Variants in BLTP1 observed in about 807,000 individuals in gnomAD.
BLTP1 encodes fragile site-associated protein.
chr4:122,230,025 A>T, the BLTP1 span: 13 of 1,614,146 alleles, frequency 8.1e-6, no homozygotes, highest in African/African-American at 1.3e-4. Flanking sequence ...GTGAGACAGT[A>T]CATTGAGCAA....
At chr4:122,186,773 C>G in the BLTP1 span, among the ~76,000 whole-genome samples, 1 of 152,052 alleles carries the variant, frequency 6.6e-6, no homozygotes, top group Non-Finnish European at 1.5e-5. Flanking sequence ...TAGCACAAGT[C>G]TAGCCCACTG....
chr4:122,257,343 C>A, the BLTP1 span: 1 of 1,614,002 alleles, frequency 6.2e-7, no homozygotes, highest in Non-Finnish European at 8.5e-7. Context: ...GTGACACCAG[C>A]CTTTAAAGGA....
chr4:122,261,295 C>T, the BLTP1 span: 1 of 985,206 alleles, frequency 1.0e-6, no homozygotes, highest in Non-Finnish European at 1.2e-6. Flanking sequence ...TTTCAACCTT[C>T]TGAATCATAT....
the BLTP1 span, among the ~76,000 whole-genome samples, chr4:122,245,541 G>A: frequency 2.0e-5 from 3 of 151,768 alleles, no homozygotes; most frequent in African/African-American, 2.4e-5. Flanking sequence ...GATTTTCCTC[G>A]TTCACTTCAG....
the BLTP1 span, chr4:122,199,479 T>C: frequency 6.6e-7 from 1 of 1,525,544 alleles, no homozygotes; most frequent in Non-Finnish European, 9.0e-7. Context: ...ATGATATACA[T>C]ACTTGTATGA....
the BLTP1 span, chr4:122,162,736 A>T: frequency 3.1e-6 from 1 of 318,114 alleles, no homozygotes; most frequent in Admixed American, 2.2e-4. Flanking sequence ...CAACAACAAC[A>T]AAAAAAAAAC....
At chr4:122,209,513 C>T in the BLTP1 span, 16 of 272,686 alleles carry the variant, frequency 5.9e-5, no homozygotes, top group Middle Eastern at 1.7e-3. Context: ...GGCATCATGG[C>T]GCATGCCTGT....
the BLTP1 span, chr4:122,362,398 C>A: frequency 1.6e-6 from 1 of 614,646 alleles, no homozygotes; most frequent in Non-Finnish European, 2.7e-6. Flanking sequence ...GTTCTAGTTC[C>A]ATCATTCTGT....
the BLTP1 span, chr4:122,194,731 A>G: frequency 2.5e-6 from 2 of 807,988 alleles, no homozygotes; most frequent in East Asian, 2.5e-4. Context: ...TTCATTATGT[A>G]TTTTTCATAA....
At chr4:122,160,095 G>A in the BLTP1 span, among the ~76,000 whole-genome samples, 7 of 152,222 alleles carry the variant, frequency 4.6e-5, no homozygotes, top group Admixed American at 2.0e-4. Flanking sequence ...AAAGATGCTG[G>A]CCCTGTCCAG....
the BLTP1 span, among the ~76,000 whole-genome samples, chr4:122,361,594 C>T: frequency 2.0e-5 from 3 of 152,120 alleles, no homozygotes; most frequent in Non-Finnish European, 1.5e-5. Flanking sequence ...ACAGCTGTTT[C>T]TCCACGTATA....
the BLTP1 span, chr4:122,361,880 C>T: frequency 2.5e-6 from 2 of 803,360 alleles, no homozygotes; most frequent in East Asian, 2.9e-5. Flanking sequence ...ATGGTGAATC[C>T]AGGAATTATG....
At chr4:122,197,868 T>C in the BLTP1 span, 1 of 622,738 alleles carries the variant, frequency 1.6e-6, no homozygotes, top group Non-Finnish European at 2.0e-6. Context: ...CATGAATAAA[T>C]ACTTTTTGTT....
the BLTP1 span, chr4:122,247,083 A>G: frequency 6.8e-7 from 1 of 1,475,368 alleles, no homozygotes; most frequent in Middle Eastern, 2.1e-4. Context: ...TTTAAAGGAA[A>G]CCTTTTAGGT....
the BLTP1 span, chr4:122,153,844 A>T: frequency 3.9e-6 from 1 of 258,504 alleles, no homozygotes; most frequent in Non-Finnish European, 6.0e-6. Flanking sequence ...TTGTAGTTTT[A>T]TTTTATACTT....
the BLTP1 span, chr4:122,275,857 A>C: frequency 8.3e-7 from 1 of 1,197,628 alleles, no homozygotes; most frequent in Non-Finnish European, 1.1e-6. Context: ...ACATTTTAAG[A>C]GTGGGAAATT....
chr4:122,240,957 G>GA, the BLTP1 span, among the ~76,000 whole-genome samples: 1 of 152,152 alleles, frequency 6.6e-6, no homozygotes, highest in Non-Finnish European at 1.5e-5. Context: ...ACAGTATTGT[G>GA]AACAAGGCAC....
chr4:122,167,817 C>T, the BLTP1 span: 1 of 985,280 alleles, frequency 1.0e-6, no homozygotes, highest in African/African-American at 1.7e-5. Flanking sequence ...CTTTACTCTG[C>T]TTCACCTTGC....
chr4:122,297,472 C>T, the BLTP1 span, among the ~76,000 whole-genome samples: 1 of 152,126 alleles, frequency 6.6e-6, no homozygotes, highest in African/African-American at 2.4e-5. Flanking sequence ...TAAATTAGTT[C>T]AACCATTGTA....
Sources: gnomAD v4.1 joint callset for allele counts (sites outside exome capture counted in the v4.1 genomes callset) on GRCh38, gnomAD v4.1.1 for gene constraint, MANE v1.5 for transcripts, NCBI Gene and HGNC (gene_info 2026-07-23, HGNC 2026-07-21) for gene names.